Variants in LRFN2 observed in about 807,000 individuals in gnomAD.
LRFN2 encodes leucine rich repeat and fibronectin type III domain containing 2.
A neutral mutation model predicts 37.3 loss-of-function variants in LRFN2; 18 were observed. The observed-to-expected ratio is 0.48, with a 90% confidence interval of 0.33 to 0.72. The LOEUF (loss-of-function observed/expected upper bound fraction) is 0.72. LRFN2 is among the 30% of genes least tolerant of loss of function. LRFN2 has a pLI of 0.02. For synonymous variants in LRFN2, 556 were observed against 466.6 expected (o/e 1.19, Z -2.47); for missense variants, 1,006 against 1,060.7 (o/e 0.95, Z 0.72).
At chr6:40,535,795 G>A (rs1002489243) in intron 1 of LRFN2, among the ~76,000 whole-genome samples, 9 of 152,248 alleles carry the variant, frequency 5.9e-5, no homozygotes, top group African/African-American at 2.2e-4. Flanking sequence ...TCTCATCACT[G>A]TTCTCAGAGT....
intron 1 of LRFN2, among the ~76,000 whole-genome samples, chr6:40,485,711 A>G (rs1184769098): frequency 1.3e-5 from 2 of 152,206 alleles, no homozygotes; most frequent in Non-Finnish European, 1.5e-5. Context: ...TCTGGACTTT[A>G]AGCCCTGGAA....
intron 1 of LRFN2, among the ~76,000 whole-genome samples, chr6:40,574,760 G>C (rs1327083330): frequency 6.6e-6 from 1 of 152,166 alleles, no homozygotes; most frequent in African/African-American, 2.4e-5. Context: ...AGTGGGCAGA[G>C]AGCAAGCTTC....
At chr6:40,440,738 C>T (rs1350833347) in intron 1 of LRFN2, among the ~76,000 whole-genome samples, 1 of 152,194 alleles carries the variant, frequency 6.6e-6, no homozygotes, top group Non-Finnish European at 1.5e-5. Context: ...GTACATTTTA[C>T]ATAGTCTTCT....
intron 1 of LRFN2, among the ~76,000 whole-genome samples, chr6:40,459,104 T>A (rs1764292873): frequency 6.6e-6 from 1 of 152,180 alleles, no homozygotes; most frequent in Non-Finnish European, 1.5e-5. Flanking sequence ...GTCTTTCTGG[T>A]TTGTAAACTG....
intron 1 of LRFN2, among the ~76,000 whole-genome samples, chr6:40,482,902 T>G (rs540298570): frequency 6.6e-6 from 1 of 152,334 alleles, no homozygotes; most frequent in African/African-American, 2.4e-5. Context: ...CTCCCGGACA[T>G]GACTAGGGCG....
intron 1 of LRFN2, among the ~76,000 whole-genome samples, chr6:40,544,183 C>T (rs1766609089): frequency 1.3e-5 from 2 of 152,192 alleles, no homozygotes; most frequent in Admixed American, 6.5e-5. Context: ...GCGCACCAGG[C>T]CTGGCTCTGA....
chr6:40,584,218 C>G (rs1036263101), intron 1 of LRFN2, among the ~76,000 whole-genome samples: 1 of 152,196 alleles, frequency 6.6e-6, no homozygotes, highest in South Asian at 2.1e-4. Flanking sequence ...TCCAACCCTC[C>G]CTGTTTCCAC....
chr6:40,454,161 A>T (rs28545533), intron 1 of LRFN2, among the ~76,000 whole-genome samples: 3 of 152,152 alleles, frequency 2.0e-5, no homozygotes, highest in Admixed American at 1.3e-4. Flanking sequence ...CTTTAATTTC[A>T]TTTTTTCCCA....
chr6:40,509,815 G>C (rs1159596879), intron 1 of LRFN2, among the ~76,000 whole-genome samples: 3 of 151,286 alleles, frequency 2.0e-5, no homozygotes, highest in African/African-American at 7.3e-5. Context: ...GTATGCCAGG[G>C]AATACTGAGC....
intron 2 of LRFN2, among the ~76,000 whole-genome samples, chr6:40,408,797 T>A: frequency 6.6e-6 from 1 of 152,218 alleles, no homozygotes; most frequent in East Asian, 1.9e-4. Flanking sequence ...TCAATGCCAA[T>A]GGTGAAGTCA....
chr6:40,568,684 T>TTTCCTCCCTTCC (rs1554145344), intron 1 of LRFN2, among the ~76,000 whole-genome samples: 3 of 131,936 alleles, frequency 2.3e-5, no homozygotes, highest in African/African-American at 9.1e-5. Context: ...GTCTCCCCCA[T>TTTCCTCCCTTCC]TTCCTTCCTT....
intron 1 of LRFN2, among the ~76,000 whole-genome samples, chr6:40,545,643 G>A (rs115371390): frequency 0.026 from 4,001 of 152,176 alleles, 88 homozygotes; most frequent in Admixed American, 0.039. Flanking sequence ...TGAAGAGAGA[G>A]GGGAGAGGAT....
Position 40,510,310 on chromosome 6 carries a change from A to G in LRFN2, c.-19+76631T>C, listed in dbSNP as rs546592463. ...TATGGCCAAAAAACTTGAAAGTCAC[A>G]TACCTAGAACACATAACTTGAGGGT... On this transcript the variant is annotated intron_variant, in intron 1 of 2. Coordinates refer to ENST00000338305, the MANE Select transcript of LRFN2 (RefSeq NM_020737.3). Among the ~76,000 whole-genome samples the G allele has an allele frequency of 3.3e-5, 5 of 152,290 alleles. No individual in the cohort carries two copies. In the South Asian group the frequency reaches 8.3e-4, roughly 25 times the overall value.
chr6:40,561,151 A>G (rs572816505), intron 1 of LRFN2, among the ~76,000 whole-genome samples: 6 of 152,268 alleles, frequency 3.9e-5, no homozygotes, highest in African/African-American at 1.4e-4. Context: ...ACTCAGGCCC[A>G]AGGGAAAGGG....
At chr6:40,490,360 G>A (rs1019910584) in intron 1 of LRFN2, among the ~76,000 whole-genome samples, 6 of 152,212 alleles carry the variant, frequency 3.9e-5, no homozygotes, top group Non-Finnish European at 1.5e-5. Flanking sequence ...AGATGGAGGA[G>A]GAGCAGCGAG....
At chr6:40,491,348 G>A (rs1051318323) in intron 1 of LRFN2, among the ~76,000 whole-genome samples, 3 of 152,222 alleles carry the variant, frequency 2.0e-5, no homozygotes, top group African/African-American at 7.2e-5. Flanking sequence ...TGTGGCTCTT[G>A]CCCTTGTCAA....
chr6:40,559,520 T>G (rs1047539678), intron 1 of LRFN2, among the ~76,000 whole-genome samples: 1 of 152,014 alleles, frequency 6.6e-6, no homozygotes, highest in Non-Finnish European at 1.5e-5. Flanking sequence ...GAGCCTGGCC[T>G]GGGGCCCACT....
At chr6:40,502,128 C>T (rs1765398214) in intron 1 of LRFN2, 1 of 152,194 alleles carries the variant, frequency 6.6e-6, no homozygotes, top group Non-Finnish European at 1.5e-5. Flanking sequence ...CCTGTCTTTG[C>T]TACTTCATTG....
chr6:40,557,785 G>A (rs1360690476), intron 1 of LRFN2, among the ~76,000 whole-genome samples: 1 of 152,160 alleles, frequency 6.6e-6, no homozygotes, highest in Non-Finnish European at 1.5e-5. Context: ...GATGATAACA[G>A]CACCTATGTC....
Sources: allele counts gnomAD v4.1 joint callset (sites outside exome capture counted in the v4.1 genomes callset), GRCh38; gene constraint gnomAD v4.1.1; transcripts MANE v1.5; gene names NCBI Gene and HGNC (gene_info 2026-07-23, HGNC 2026-07-21).